Variants in CRACDL observed in about 807,000 individuals in gnomAD.
CRACDL encodes CRACD-like protein.
CRACDL carries 26 observed loss-of-function variants against 70.6 expected under a neutral mutation model. The ratio of observed to expected loss-of-function variants is 0.37; its 90% CI spans 0.27 to 0.51. The LOEUF is 0.51. Ranked by LOEUF, CRACDL falls within the 20% of genes least tolerant of loss-of-function variation. CRACDL has a pLI of 0.94. For missense variants in CRACDL, 1,283 were observed against 1,376.9 expected, an observed-to-expected ratio of 0.93 and a Z score of 1.08; for synonymous variants, 618 against 615.2, an observed-to-expected ratio of 1.00 and a Z score of -0.07.
At position 98,822,608 on chromosome 2, in the gene CRACDL, C is replaced by G; in HGVS notation, c.1665G>C (p.Ala555=). 7.2e-7 allele frequency: 1 copy of G among 1,387,938 alleles called. No individual in the cohort carries two copies. The highest frequency in any genetic ancestry group is 9.3e-7 in the Non-Finnish European group (1 of 1,078,520). 86.0% of individuals were successfully genotyped at this position (1,387,938 alleles called of 1,614,324 possible). A position where few individuals can be genotyped will look rare whatever the true frequency, so the allele number is the denominator to read the frequency against. The change falls in exon 7 of 10, where the codon GCG becomes GCC. Residue 555 remains alanine (A), a synonymous_variant. Transcript: ENST00000397899. The surrounding 1 kb of genome is among the most constrained non-coding windows in gnomAD (Gnocchi z 4.9). ...AEAPPAGAER[A]APERKAERGG... is the part of the protein sequence containing the mutation. ...CCCTCTCCGCCTTCCGCTCTGGCGCCGCCCTCTCGGCGCCCGCCGGTGGCG... is the reference window on the plus strand; with the variant it reads ...CCCTCTCCGCCTTCCGCTCTGGCGCGGCCCTCTCGGCGCCCGCCGGTGGCG...
chr2:98,901,557 C>A (rs1410042109), intron 1 of CRACDL, among the ~76,000 whole-genome samples: 1 of 152,178 alleles, frequency 6.6e-6, no homozygotes, highest in African/African-American at 2.4e-5. Flanking sequence ...CCACAGGGCA[C>A]CTTATCCTGG....
chr2:98,845,686 G>T (rs1322584812), intron 2 of CRACDL, among the ~76,000 whole-genome samples: 2 of 152,050 alleles, frequency 1.3e-5, no homozygotes, highest in African/African-American at 4.8e-5. Flanking sequence ...AGCACTTATT[G>T]AGGTCATTTC....
chr2:98,864,014 G>A (rs899242904), intron 1 of CRACDL, among the ~76,000 whole-genome samples: 2 of 152,074 alleles, frequency 1.3e-5, no homozygotes, highest in African/African-American at 2.4e-5. Context: ...CAATCTGAAC[G>A]CACTTAATAC....
intron 7 of CRACDL, among the ~76,000 whole-genome samples, chr2:98,804,242 G>A (rs1704198639): frequency 6.6e-6 from 1 of 152,198 alleles, no homozygotes; most frequent in South Asian, 2.1e-4. Flanking sequence ...CACTGCTAAT[G>A]ACAGGAGACG....
At chr2:98,921,142 TG>T (rs1708792320) in intron 1 of CRACDL, among the ~76,000 whole-genome samples, 1 of 152,166 alleles carries the variant, frequency 6.6e-6, no homozygotes, top group South Asian at 2.1e-4. Flanking sequence ...AGCCCCGTCT[TG>T]GAAATCAAGT....
chr2:98,908,900 A>G (rs1408174270), intron 1 of CRACDL, among the ~76,000 whole-genome samples: 3 of 152,206 alleles, frequency 2.0e-5, no homozygotes, highest in Admixed American at 6.5e-5. Flanking sequence ...CAGAGTCCCT[A>G]TATTTATTTG....
intron 1 of CRACDL, among the ~76,000 whole-genome samples, chr2:98,931,202 GT>G (rs1443865589): frequency 6.6e-6 from 1 of 151,864 alleles, no homozygotes; most frequent in Non-Finnish European, 1.5e-5. Flanking sequence ...ACAGGCACCT[GT>G]AATCCCAGCT....
intron 1 of CRACDL, among the ~76,000 whole-genome samples, chr2:98,912,168 G>A (rs1041822574): frequency 6.6e-6 from 1 of 152,226 alleles, no homozygotes; most frequent in Admixed American, 6.5e-5. Context: ...GAATGAGCAG[G>A]AAAGGCGCAA....
At chr2:98,905,139 A>C (rs1464576281) in intron 1 of CRACDL, among the ~76,000 whole-genome samples, 3 of 149,832 alleles carry the variant, frequency 2.0e-5, no homozygotes, top group African/African-American at 7.4e-5. Flanking sequence ...AGTCCCAGCT[A>C]CTCGGGAGGC....
intron 1 of CRACDL, among the ~76,000 whole-genome samples, chr2:98,878,640 G>A (rs1558619129): frequency 6.6e-6 from 1 of 152,206 alleles, no homozygotes; most frequent in African/African-American, 2.4e-5. Context: ...ACGTGAAGAT[G>A]TTTTAGTTAA....
chr2:98,833,844 C>A (rs112982752), intron 3 of CRACDL, among the ~76,000 whole-genome samples: 7 of 152,300 alleles, frequency 4.6e-5, no homozygotes, highest in African/African-American at 1.4e-4. Context: ...ACCACCCCAC[C>A]CACTTCCCTC....
chr2:98,880,884 C>T (rs1173083980), intron 1 of CRACDL, among the ~76,000 whole-genome samples: 1 of 152,208 alleles, frequency 6.6e-6, no homozygotes, highest in African/African-American at 2.4e-5. Context: ...GGAAGCCTTG[C>T]CTCCCCTACT....
intron 6 of CRACDL, 112 bp downstream of exon 6, chr2:98,826,863 C>T: frequency 1.5e-6 from 1 of 668,528 alleles, no homozygotes; most frequent in Non-Finnish European, 2.5e-6. Flanking sequence ...CTGTGGGGTG[C>T]TCAGAGGGGG....
At chr2:98,846,509 C>T (rs1345441909) in intron 2 of CRACDL, among the ~76,000 whole-genome samples, 2 of 152,196 alleles carry the variant, frequency 1.3e-5, no homozygotes, top group African/African-American at 4.8e-5. Context: ...GAAAGGTCCC[C>T]GTGCTTGACA....
Position 98,822,036 on chromosome 2 carries a change from C to A in CRACDL, c.2237G>T (p.Gly746Val), listed in dbSNP as rs866719486. ...CTCGGGGGGCCGGGCCTTCCCCTTTCCTTGGTCGCTGGGGGCCCTGGTGCC... is the reference window on the plus strand; with the variant it reads ...CTCGGGGGGCCGGGCCTTCCCCTTTACTTGGTCGCTGGGGGCCCTGGTGCC... ...LRGTRAPSDQ[G>V]KGKARPPEPL... Residue 746 changes from glycine to valine, a missense_variant, in exon 7 of 10, where the codon GGA becomes GTA. Around this residue, in one of 2 missense-constraint regions of CRACDL, gnomAD observed 921 missense variants for 881.9 expected, o/e 1.04. Transcript: ENST00000397899. This position sits in a 1 kb window ranked among gnomAD's most constrained non-coding sequence, Gnocchi z 4.9. The A allele has an allele frequency of 3.9e-6, 6 of 1,544,376 alleles. No homozygotes were observed. The highest frequency in any genetic ancestry group is 4.4e-6 in the Non-Finnish European group (5 of 1,144,258).
intron 1 of CRACDL, among the ~76,000 whole-genome samples, chr2:98,854,477 C>T (rs1706620273): frequency 6.6e-6 from 1 of 151,900 alleles, no homozygotes; most frequent in African/African-American, 2.4e-5. Context: ...ATAGTTTGCA[C>T]TTCATCAAAA....
intron 2 of CRACDL, among the ~76,000 whole-genome samples, chr2:98,841,043 T>C (rs1320566842): frequency 6.6e-6 from 1 of 152,118 alleles, no homozygotes; most frequent in East Asian, 1.9e-4. Flanking sequence ...TGAAAAAATC[T>C]GAAATCTGAA....
At chr2:98,795,472 T>C (rs1703781239) in intron 9 of CRACDL, among the ~76,000 whole-genome samples, 1 of 152,160 alleles carries the variant, frequency 6.6e-6, no homozygotes, top group South Asian at 2.1e-4. Context: ...GTACATACGT[T>C]AGGATTCTAT....
chr2:98,890,163 G>T (rs1006291335), intron 1 of CRACDL, among the ~76,000 whole-genome samples: 1 of 151,968 alleles, frequency 6.6e-6, no homozygotes, highest in Non-Finnish European at 1.5e-5. Context: ...GATTAGAGAA[G>T]AAATTAATAA....
Sources: allele counts gnomAD v4.1 joint callset (sites outside exome capture counted in the v4.1 genomes callset), GRCh38; gene constraint gnomAD v4.1.1; regional missense constraint gnomAD v4.1.1; non-coding constraint Gnocchi (gnomAD v3.1); transcripts MANE v1.5; gene names NCBI Gene and HGNC (gene_info 2026-07-23, HGNC 2026-07-21).